The following PPP1R7 variants were observed in gnomAD, a reference collection of about 807,000 sequenced individuals.
PPP1R7 encodes protein phosphatase 1 regulatory subunit 7.
Under a neutral mutation model 45.2 loss-of-function variants are expected in PPP1R7, and 18 were observed. The observed-to-expected ratio is 0.40, with a 90% CI of 0.28 to 0.59. The LOEUF (loss-of-function observed/expected upper bound fraction) is 0.59, where lower values mean the gene tolerates loss of function less well. Among genes scored for constraint, PPP1R7 ranks in the 20% least tolerant of loss-of-function variants. The pLI is 0.46. For synonymous variants in PPP1R7, 181 were observed against 183.4 expected, an observed-to-expected ratio of 0.99 and a Z score of 0.11; for missense variants, 314 against 455.8, an observed-to-expected ratio of 0.69 and a Z score of 2.83.
upstream of PPP1R7, chr2:241,149,987 G>A: frequency 1.4e-6 from 2 of 1,416,814 alleles, no homozygotes; most frequent in Non-Finnish European, 1.8e-6. Context: ...GACGCCGGGA[G>A]AATGTTGTTG....
At chr2:241,168,199 C>T (rs535776768) in intron 8 of PPP1R7, among the ~76,000 whole-genome samples, 2 of 152,184 alleles carry the variant, frequency 1.3e-5, no homozygotes, top group Non-Finnish European at 2.9e-5. Context: ...CATTGTCCAG[C>T]TCCTGTAGAA....
rs750349261 is a variant in PPP1R7 at position 241,153,547 on chromosome 2, G to C, written c.124G>C (p.Asp42His). Residue 42 changes from aspartate to histidine, a missense_variant, in exon 2 of 10, where the codon GAC (aspartate) becomes CAC (histidine). By Grantham distance (81) the Asp-to-His change is moderately conservative. Coordinates refer to ENST00000234038, the MANE Select transcript of PPP1R7 (RefSeq NM_002712.3). ...GAAACACAGCAGTGGCATCGTGGCCGACCTCAGTGAACAGAGCCTGAAGGA... is the reference window on the plus strand; with the variant it reads ...GAAACACAGCAGTGGCATCGTGGCCCACCTCAGTGAACAGAGCCTGAAGGA... ...GKKHSSGIVA[D>H]LSEQSLKDGE... is the part of the protein sequence containing the mutation. 14 of 1,614,182 alleles carry C rather than the reference G, an allele frequency of 8.7e-6. No homozygotes were observed. The highest frequency in any genetic ancestry group is 1.1e-5 in the Non-Finnish European group (13 of 1,180,042).
rs1186026099 is a variant in PPP1R7 at position 241,165,934 on chromosome 2, G to A, written c.715-403G>A. Among the ~76,000 whole-genome samples the A allele has an allele frequency of 2.8e-5, 4 of 142,596 alleles. No homozygotes were observed. The East Asian group carries it at 8.5e-4, about 30-fold the overall frequency. The allele number at this position is 142,596 out of a possible 152,430, so 93.5% of individuals were successfully genotyped here. A position where few individuals can be genotyped will look rare whatever the true frequency, so the allele number is the denominator to read the frequency against. On this transcript the variant is annotated intron_variant, in intron 7 of 9. Coordinates refer to ENST00000234038, the MANE Select transcript of PPP1R7 (RefSeq NM_002712.3). The stretch of plus-strand genomic sequence containing the variant: ...ATATTTTTTTTTGAGATGGAGTCTC[G>A]CTCTGTTGCCCAGGCTGGAGTGCAG...
At chr2:241,156,283 A>G (rs17384397) in intron 2 of PPP1R7, among the ~76,000 whole-genome samples, 40,629 of 152,260 alleles carry the variant, frequency 0.27, 6,666 homozygotes, top group Middle Eastern at 0.45. Context: ...CATCCTATGC[A>G]TATAATTCAC....
At chr2:241,156,664 A>G (rs987387372) in intron 2 of PPP1R7, among the ~76,000 whole-genome samples, 1 of 150,854 alleles carries the variant, frequency 6.6e-6, no homozygotes, top group Non-Finnish European at 1.5e-5. Flanking sequence ...GCAGAGTGAG[A>G]CCCTGTCTCT....
chr2:241,168,932 G>A (rs902880996), intron 8 of PPP1R7, among the ~76,000 whole-genome samples: 1 of 152,234 alleles, frequency 6.6e-6, no homozygotes, highest in Admixed American at 6.5e-5. Flanking sequence ...GAAAACCAAG[G>A]AAGGGACTCA....
intron 7 of PPP1R7, 39 bp from the exon 8 acceptor site, chr2:241,166,298 C>G: frequency 6.6e-7 from 1 of 1,525,450 alleles, no homozygotes; most frequent in Non-Finnish European, 9.1e-7. Context: ...TTCATACCTT[C>G]TGTACTGTTC....
Position 241,153,553 on chromosome 2 carries a change from A to G in PPP1R7, c.130A>G (p.Ser44Gly). Residue 44 changes from serine (S) to glycine (G), a missense_variant, in exon 2 of 10, where the codon AGT (serine) becomes GGT (glycine). This residue lies in a region of PPP1R7 where 112 missense variants were observed against 144.5 expected (regional missense o/e 0.78). Transcript: ENST00000234038. ...CAGCAGTGGCATCGTGGCCGACCTC[A>G]GTGAACAGAGCCTGAAGGATGGGGA... is the stretch of plus-strand genomic sequence containing the variant. ...KHSSGIVADL[S>G]EQSLKDGEER... 1 of 1,614,096 alleles carries G rather than the reference A, an allele frequency of 6.2e-7. No individual in the cohort carries two copies. Among genetic ancestry groups the G allele is most frequent in the East Asian group, 2.2e-5 (1 of 44,898 alleles).
chr2:241,152,082 A>T (rs1445564952), intron 1 of PPP1R7, among the ~76,000 whole-genome samples: 1 of 152,192 alleles, frequency 6.6e-6, no homozygotes, highest in Non-Finnish European at 1.5e-5. Flanking sequence ...TCTCTCCCTG[A>T]GCCTGGACCA....
intron 1 of PPP1R7, among the ~76,000 whole-genome samples, chr2:241,151,046 G>A (rs557112134): frequency 6.6e-6 from 1 of 152,104 alleles, no homozygotes; most frequent in African/African-American, 2.4e-5. Flanking sequence ...GGTGATACCT[G>A]TTTTCAAAGC....
chr2:241,159,064 C>A (rs191797004), intron 4 of PPP1R7, 149 bp from the exon 5 acceptor site: 2 of 1,009,214 alleles, frequency 2.0e-6, no homozygotes, highest in African/African-American at 1.6e-5. Context: ...ACCTGCCTCT[C>A]AAAGGTCAGC....
chr2:241,179,704 T>C (rs2067968012), intron 9 of PPP1R7, among the ~76,000 whole-genome samples: 1 of 152,214 alleles, frequency 6.6e-6, no homozygotes, highest in African/African-American at 2.4e-5. Context: ...AAGGTCATCT[T>C]TTTTCCATGA....
intron 1 of PPP1R7, among the ~76,000 whole-genome samples, chr2:241,151,719 C>T (rs73011868): frequency 0.012 from 1,778 of 152,230 alleles, 15 homozygotes; most frequent in Non-Finnish European, 0.019. Context: ...TATAAAAGCC[C>T]GGCTTTTCTC....
chr2:241,165,695 G>A (rs896009067), intron 7 of PPP1R7, among the ~76,000 whole-genome samples: 89 of 151,808 alleles, frequency 5.9e-4, no homozygotes, highest in African/African-American at 1.6e-3. Flanking sequence ...CCAGGTTTAC[G>A]CCATTCTCCT....
Position 241,183,272 on chromosome 2 carries a change from G to A in PPP1R7, c.*449G>A, listed in dbSNP as rs1398173651. 19 of 406,806 alleles carry A rather than the reference G, an allele frequency of 4.7e-5. No individual in the cohort carries two copies. Among genetic ancestry groups the A allele is most frequent in the South Asian group, 1.3e-4 (7 of 52,510 alleles). The allele number at this position is 406,806 out of a possible 1,614,324, so 25.2% of individuals were successfully genotyped here. A position where few individuals can be genotyped will look rare whatever the true frequency, so the allele number is the denominator to read the frequency against. On this transcript the variant is annotated 3_prime_UTR_variant, in exon 10 of 10. Coordinates refer to ENST00000234038, the MANE Select transcript of PPP1R7 (RefSeq NM_002712.3). ...CAGGCAGTCTTGACCTGCAACAACC[G>A]AGGTTTTTTAGTCTTTTAACCCAGC...
In PPP1R7 at chr2:241,183,321, G is replaced by A. The variant is rs942633005; in HGVS notation, c.*498G>A. The A allele has an allele frequency of 2.3e-6, 1 of 432,492 alleles. No individual in the cohort carries two copies. The highest frequency in any genetic ancestry group is 3.1e-5 in the Admixed American group (1 of 32,198). 26.8% of individuals were successfully genotyped at this position (432,492 alleles called of 1,614,324 possible). A position where few individuals can be genotyped will look rare whatever the true frequency, so the allele number is the denominator to read the frequency against. On this transcript the variant is annotated 3_prime_UTR_variant, in exon 10 of 10. Transcript: ENST00000234038. ...GCCATTTTCAATTTTTTAAAAATTAGGTAAGTTAAAAAAGCTGGGTAAAAG... is the reference window on the plus strand; with the variant it reads ...GCCATTTTCAATTTTTTAAAAATTAAGTAAGTTAAAAAAGCTGGGTAAAAG...
chr2:241,182,965 C>T lies in PPP1R7; in HGVS notation c.*142C>T, dbSNP rs1056254729. ...CAATAAAGGCACTGACGATAGCTGG[C>T]GCGCGCGACGTCACACACCATTTTC... On this transcript the variant is annotated 3_prime_UTR_variant, in exon 10 of 10. Coordinates refer to ENST00000234038, the MANE Select transcript of PPP1R7 (RefSeq NM_002712.3). 94 of 895,420 alleles carry T rather than the reference C, an allele frequency of 1.0e-4. No individual in the cohort carries two copies. The highest frequency in any genetic ancestry group is 1.5e-4 in the Non-Finnish European group (89 of 603,684). The allele number at this position is 895,420 out of a possible 1,614,324, so 55.5% of individuals were successfully genotyped here. A position where few individuals can be genotyped will look rare whatever the true frequency, so the allele number is the denominator to read the frequency against.
intron 5 of PPP1R7, among the ~76,000 whole-genome samples, chr2:241,160,010 G>T (rs1449803370): frequency 6.6e-6 from 1 of 152,164 alleles, no homozygotes; most frequent in African/African-American, 2.4e-5. Context: ...TGTGTGCAGA[G>T]CCTGGTGTGA....
At chr2:241,161,991 CTCTG>C (rs1476210077) in intron 6 of PPP1R7, among the ~76,000 whole-genome samples, 2 of 152,210 alleles carry the variant, frequency 1.3e-5, no homozygotes, top group African/African-American at 4.8e-5. Context: ...TTACAGCATT[CTCTG>C]TCTGTCCTGG....
Sources: gnomAD v4.1 joint callset for allele counts (sites outside exome capture counted in the v4.1 genomes callset) on GRCh38, gnomAD v4.1.1 for gene constraint, gnomAD v4.1.1 regional missense constraint, MANE v1.5 for transcripts, NCBI Gene and HGNC (gene_info 2026-07-23, HGNC 2026-07-21) for gene names.